Variants in KMT2C observed in about 807,000 individuals in gnomAD.
KMT2C encodes histone-lysine N-methyltransferase 2C.
In KMT2C, 88 loss-of-function variants were observed where a neutral mutation model predicts 507.9. The observed-to-expected ratio is 0.17, with a 90% CI of 0.15 to 0.21. The LOEUF (loss-of-function observed/expected upper bound fraction) is 0.21. Ranked by LOEUF, KMT2C falls within the 10% of genes least tolerant of loss-of-function variation. KMT2C has a pLI of 1.00. For missense variants in KMT2C, 4,954 were observed against 5,957.8 expected, an observed-to-expected ratio of 0.83 and a Z score of 5.55; for synonymous variants, 2,049 against 2,080.8, an observed-to-expected ratio of 0.98 and a Z score of 0.42.
intron 1 of KMT2C, among the ~76,000 whole-genome samples, chr7:152,409,563 C>CAAAAAAAAAA (rs367688749): frequency 8.1e-5 from 8 of 98,762 alleles, no homozygotes; most frequent in African/African-American, 2.4e-4. Context: ...GCTAAAAATA[C>CAAAAAAAAAA]AAAAAAAAAA....
intron 1 of KMT2C, among the ~76,000 whole-genome samples, chr7:152,430,951 C>CTATCTACCCAGAGAAACCTGG (rs2097857920): frequency 6.6e-6 from 1 of 152,170 alleles, no homozygotes. Context: ...TGGACAACCA[C>CTATCTACCCAGAGAAACCTGG]TATCTACCCA....
chr7:152,335,535 C>G (rs949157715), intron 2 of KMT2C, among the ~76,000 whole-genome samples: 2 of 152,186 alleles, frequency 1.3e-5, no homozygotes, highest in Non-Finnish European at 2.9e-5. Flanking sequence ...TGTCTCCACT[C>G]CCAAGCTGTG....
In KMT2C at chr7:152,178,970, C is replaced by T. The variant is rs537753023; in HGVS notation, c.7442+864G>A. Among the ~76,000 whole-genome samples, 5 of 152,164 alleles carry T rather than the reference C, an allele frequency of 3.3e-5. No homozygotes were observed. In the South Asian group the frequency reaches 8.3e-4, roughly 25 times the overall value. On this transcript the variant is annotated intron_variant, in intron 37 of 58. Coordinates refer to ENST00000262189, the MANE Select transcript of KMT2C (RefSeq NM_170606.3). ...TCCTAAAGGGAAAGTCCTTTCAGTT[C>T]GGAAATCTCTAAAATTTATTATTAT...
At chr7:152,344,047 T>C (rs1028412399) in intron 2 of KMT2C, among the ~76,000 whole-genome samples, 2 of 152,200 alleles carry the variant, frequency 1.3e-5, no homozygotes, top group African/African-American at 4.8e-5. Context: ...TTGTTCAAAA[T>C]AATATCTGCA....
chr7:152,191,185 CT>C (rs2093781046), intron 31 of KMT2C, among the ~76,000 whole-genome samples: 1 of 152,148 alleles, frequency 6.6e-6, no homozygotes, highest in African/African-American at 2.4e-5. Flanking sequence ...CAGATAATTC[CT>C]ACATTTTCAT....
At chr7:152,358,207 A>G (rs2097167902) in intron 2 of KMT2C, among the ~76,000 whole-genome samples, 1 of 152,184 alleles carries the variant, frequency 6.6e-6, no homozygotes, top group African/African-American at 2.4e-5. Context: ...CCATAACGAA[A>G]CATACTACTT....
At chr7:152,424,432 T>C (rs2097797771) in intron 1 of KMT2C, among the ~76,000 whole-genome samples, 1 of 152,144 alleles carries the variant, frequency 6.6e-6, no homozygotes, top group Admixed American at 6.6e-5. Flanking sequence ...TTTTTGTGTG[T>C]GAGAGAGAGA....
At chr7:152,222,118 T>C (rs185730262) in intron 21 of KMT2C, 52 bp from the exon 22 acceptor site, 3 of 1,221,864 alleles carry the variant, frequency 2.5e-6, no homozygotes, top group Admixed American at 4.4e-5. Flanking sequence ...AGGTAAAGTG[T>C]ATTTAAATAC....
At chr7:152,206,892 T>G (rs2094322991) in intron 24 of KMT2C, among the ~76,000 whole-genome samples, 1 of 152,138 alleles carries the variant, frequency 6.6e-6, no homozygotes. Flanking sequence ...TTACTGGCAC[T>G]CCTGCATAAA....
chr7:152,146,504 T>A, intron 53 of KMT2C, 95 bp downstream of exon 53: 1 of 1,255,598 alleles, frequency 8.0e-7, no homozygotes, highest in South Asian at 1.3e-5. Flanking sequence ...TCAGTCACTT[T>A]CTGAAGAGTG....
chr7:152,338,388 C>T (rs188825542), intron 2 of KMT2C, among the ~76,000 whole-genome samples: 70 of 152,106 alleles, frequency 4.6e-4, no homozygotes, highest in African/African-American at 1.6e-3. Context: ...AAGATCCCTA[C>T]GTTTAATGGA....
chr7:152,379,134 T>C (rs2097350802), intron 1 of KMT2C, among the ~76,000 whole-genome samples: 1 of 152,218 alleles, frequency 6.6e-6, no homozygotes, highest in Admixed American at 6.5e-5. Flanking sequence ...GAAACTTTTT[T>C]CAATGCCCTT....
chr7:152,190,588 G>T (rs1344673774), intron 31 of KMT2C, among the ~76,000 whole-genome samples: 1 of 151,894 alleles, frequency 6.6e-6, no homozygotes, highest in Admixed American at 6.6e-5. Context: ...TTCAAGAAGT[G>T]GTCTTTTTTT....
chr7:152,245,252 T>C (rs1178466423), intron 14 of KMT2C, among the ~76,000 whole-genome samples: 2 of 152,242 alleles, frequency 1.3e-5, no homozygotes, highest in Non-Finnish European at 1.5e-5. Context: ...ATTCTTTTGG[T>C]ATTTTAATTT....
chr7:152,349,665 G>A (rs1442529424), intron 2 of KMT2C, among the ~76,000 whole-genome samples: 3 of 151,982 alleles, frequency 2.0e-5, no homozygotes, highest in East Asian at 1.9e-4. Flanking sequence ...GGATTAATAG[G>A]TGGAACACCT....
rs2129121451 is a variant in KMT2C, at chr7:152,183,006, A to T, written c.5233T>A (p.Ser1745Thr). The change falls in exon 35 of 59, where the codon TCA becomes ACA. Residue 1745 changes from serine to threonine, a missense_variant. Physicochemically the swap from Ser to Thr is moderately conservative, Grantham distance 58 (BLOSUM62 1). Coordinates refer to ENST00000262189, the MANE Select transcript of KMT2C (RefSeq NM_170606.3). ...AATTTCCATTCCTGTTCATGTTCTG[A>T]TTCTCTTTGCTTTAAAGGATCTTTA... is the stretch of plus-strand genomic sequence containing the variant. Reference protein sequence around the residue: ...LFKDPLKQRESEHEQEWKFRQ... With the variant: ...LFKDPLKQRETEHEQEWKFRQ... The T allele has an allele frequency of 1.2e-6, 2 of 1,604,882 alleles. No homozygotes were observed. The highest frequency in any genetic ancestry group is 1.7e-6 in the Non-Finnish European group (2 of 1,177,522).
At chr7:152,258,819 C>T (rs946952713) in intron 9 of KMT2C, among the ~76,000 whole-genome samples, 9 of 152,120 alleles carry the variant, frequency 5.9e-5, no homozygotes, top group Admixed American at 2.6e-4. Context: ...AGCCACCACA[C>T]CCAGCCTAGG....
intron 55 of KMT2C, among the ~76,000 whole-genome samples, chr7:152,143,677 G>A (rs2090827459): frequency 6.6e-6 from 1 of 152,238 alleles, no homozygotes; most frequent in Non-Finnish European, 1.5e-5. Context: ...GCTCCAGGTT[G>A]AAAGGGCTCA....
Position 152,152,909 on chromosome 7 carries a change from G to A in KMT2C, c.12322C>T (p.Arg4108Ter). ...CTAACCTCATAGCTGTTAGGGATTCGGACGTGAAGAAGGTCGGAAAATGCA... is the reference window on the plus strand; with the variant it reads ...CTAACCTCATAGCTGTTAGGGATTCAGACGTGAAGAAGGTCGGAAAATGCA... ...VAAFSDLLHV[R>*]IPNSYEVSSA... Residue 4108 changes from arginine (R) to a stop codon, truncating the protein, a stop_gained, in exon 49 of 59, where the codon CGA becomes TGA. Transcript: ENST00000262189. LOFTEE classifies it high-confidence loss of function. 1 of 1,614,170 alleles carries A rather than the reference G, an allele frequency of 6.2e-7. No individual in the cohort carries two copies. The highest frequency in any genetic ancestry group is 8.5e-7 in the Non-Finnish European group (1 of 1,180,024).
Sources: allele counts gnomAD v4.1 joint callset (sites outside exome capture counted in the v4.1 genomes callset), GRCh38; gene constraint gnomAD v4.1.1; transcripts MANE v1.5; gene names NCBI Gene and HGNC (gene_info 2026-07-23, HGNC 2026-07-21).